Variants in LMX1A observed in about 807,000 individuals in gnomAD.
LMX1A encodes the protein LIM homeobox transcription factor 1 alpha.
In LMX1A, 15 loss-of-function variants were observed where a neutral mutation model predicts 49.1. That is an observed-to-expected ratio of 0.31 (90% CI 0.20 to 0.47). The LOEUF (loss-of-function observed/expected upper bound fraction) is 0.47, where lower values mean the gene tolerates loss of function less well. Among genes scored for constraint, LMX1A ranks in the 20% least tolerant of loss-of-function variants. The pLI is 1.00. For synonymous variants in LMX1A, 167 were observed against 185.7 expected (o/e 0.90, Z 0.82); for missense variants, 372 against 475.8 (o/e 0.78, Z 2.03).
Position 165,276,500 on chromosome 1 carries a change from CT to C in LMX1A, c.264-26861del, listed in dbSNP as rs1653972419. Among the ~76,000 whole-genome samples the C allele has an allele frequency of 2.0e-5, 3 of 152,154 alleles. No individual in the cohort carries two copies. In the South Asian group the frequency reaches 6.2e-4, roughly 32 times the overall value. ...ATTGATAGCAATTCTCATTTCCAGC[CT>C]CAGGAGAATGAACAGCCAGTGGCCC... On this transcript the variant is annotated intron_variant, in intron 3 of 8. Transcript: ENST00000342310.
At chr1:165,347,348 A>T (rs1656282261) in intron 3 of LMX1A, among the ~76,000 whole-genome samples, 1 of 152,210 alleles carries the variant, frequency 6.6e-6, no homozygotes, top group Non-Finnish European at 1.5e-5. Context: ...TTGAAGAAAA[A>T]CATATAGAGT....
At chr1:165,214,573 G>A (rs1651571001) in intron 4 of LMX1A, among the ~76,000 whole-genome samples, 1 of 152,192 alleles carries the variant, frequency 6.6e-6, no homozygotes, top group Non-Finnish European at 1.5e-5. Context: ...TGCCCTAAAT[G>A]CCAATGAGCC....
intron 3 of LMX1A, among the ~76,000 whole-genome samples, chr1:165,257,586 G>A (rs1408510654): frequency 6.6e-6 from 1 of 152,218 alleles, no homozygotes; most frequent in Non-Finnish European, 1.5e-5. Context: ...CACCAGCCAA[G>A]AGTCTACTGT....
chr1:165,350,294 AG>A (rs1342615839), intron 3 of LMX1A, among the ~76,000 whole-genome samples: 1 of 151,900 alleles, frequency 6.6e-6, no homozygotes, highest in Non-Finnish European at 1.5e-5. Flanking sequence ...TTCCCCCTGG[AG>A]GATAAATATC....
At chr1:165,336,760 C>T (rs1299662687) in intron 3 of LMX1A, among the ~76,000 whole-genome samples, 1 of 152,198 alleles carries the variant, frequency 6.6e-6, no homozygotes, top group Non-Finnish European at 1.5e-5. Flanking sequence ...CCAGCCCTTC[C>T]TCAACGACCT....
rs1399433772 is a variant in LMX1A at position 165,353,208 on chromosome 1, T to C, written c.131A>G (p.Asp44Gly). 1 of 1,613,978 alleles carries C rather than the reference T, an allele frequency of 6.2e-7. No individual in the cohort carries two copies. The change falls in exon 3 of 9, where the codon GAC becomes GGC. Residue 44 changes from aspartate (D) to glycine (G), a missense_variant. Around this residue, in one of 3 missense-constraint regions of LMX1A, gnomAD observed 199 missense variants for 244.0 expected, o/e 0.82. Coordinates refer to ENST00000342310, the MANE Select transcript of LMX1A (RefSeq NM_177398.4). The part of the protein sequence containing the change: ...VCEGCQRVIL[D>G]RFLLRLNDSF... ...GTCGTTGAGCCGCAGCAGAAACCTG[T>C]CCAAGATGACCCGCTGACAGCCCTC...
In LMX1A at chr1:165,202,842, C is replaced by A. The variant is rs1650903944; in HGVS notation, c.*1038G>T. On this transcript the variant is annotated 3_prime_UTR_variant, in exon 9 of 9. Transcript: ENST00000342310. ...TTCAGGAGCCCTCCTGCTCTGCAACCCTATGTACCCTCCTTTGCCAAGTGA... is the reference window on the plus strand; with the variant it reads ...TTCAGGAGCCCTCCTGCTCTGCAACACTATGTACCCTCCTTTGCCAAGTGA... 6.6e-6 allele frequency: 1 copy of A among 152,628 alleles called. No individual in the cohort carries two copies. The highest frequency in any genetic ancestry group is 1.5e-5 in the Non-Finnish European group (1 of 68,062). 9.5% of individuals were successfully genotyped at this position (152,628 alleles called of 1,614,324 possible).
intron 3 of LMX1A, among the ~76,000 whole-genome samples, chr1:165,337,888 C>CTG (rs6143463): frequency 6.9e-4 from 101 of 147,038 alleles, no homozygotes; most frequent in Middle Eastern, 3.4e-3. Flanking sequence ...GTGTGTGTTT[C>CTG]TGTGTGTGTG....
chr1:165,337,907 T>TGTGTGTGTGTGTGTG (rs1553213782), intron 3 of LMX1A, among the ~76,000 whole-genome samples: 5 of 151,628 alleles, frequency 3.3e-5, no homozygotes, highest in Admixed American at 6.6e-5. Context: ...TGTGTGTGTG[T>TGTGTGTGTGTGTGTG]TACTACCCCA....
intron 4 of LMX1A, among the ~76,000 whole-genome samples, chr1:165,224,547 C>T (rs1651968786): frequency 6.6e-6 from 1 of 152,100 alleles, no homozygotes; most frequent in African/African-American, 2.4e-5. Flanking sequence ...TTTTGTGTGT[C>T]TTCTATATAA....
chr1:165,266,595 CTTTTTTTTTTT>C (rs61551654), intron 3 of LMX1A, among the ~76,000 whole-genome samples: 67 of 79,186 alleles, frequency 8.5e-4, no homozygotes, highest in African/African-American at 3.3e-3. Flanking sequence ...TTCTTTCTTT[CTTTTTTTTTTT>C]TTTTTTTTTT....
At chr1:165,209,970 A>G (rs1651298724) in intron 6 of LMX1A, among the ~76,000 whole-genome samples, 3 of 152,240 alleles carry the variant, frequency 2.0e-5, no homozygotes, top group Non-Finnish European at 4.4e-5. Context: ...GAGGACACCC[A>G]GTTGGTATCC....
intron 4 of LMX1A, among the ~76,000 whole-genome samples, chr1:165,222,714 T>C (rs1389063557): frequency 1.3e-5 from 2 of 152,218 alleles, no homozygotes; most frequent in Admixed American, 1.3e-4. Flanking sequence ...TGACCACAGC[T>C]GATCAGACTG....
chr1:165,251,365 G>A (rs919053418), intron 3 of LMX1A, among the ~76,000 whole-genome samples: 1 of 152,186 alleles, frequency 6.6e-6, no homozygotes, highest in Non-Finnish European at 1.5e-5. Flanking sequence ...TTATAGGCAT[G>A]AGCCACTGCT....
intron 3 of LMX1A, among the ~76,000 whole-genome samples, chr1:165,253,869 A>G (rs1365155278): frequency 6.6e-6 from 1 of 151,870 alleles, no homozygotes; most frequent in Non-Finnish European, 1.5e-5. Flanking sequence ...TTTTCTCTCT[A>G]TGTCTAAACC....
At chr1:165,220,531 C>A (rs533722151) in intron 4 of LMX1A, among the ~76,000 whole-genome samples, 3 of 152,132 alleles carry the variant, frequency 2.0e-5, no homozygotes, top group Non-Finnish European at 4.4e-5. Flanking sequence ...ATAAACATAG[C>A]CTCAAAGAGG....
In LMX1A at chr1:165,226,033, C is replaced by T. The variant is rs1261422399; in HGVS notation, c.497-12220G>A. 2.8e-5 allele frequency among the ~76,000 whole-genome samples: 4 copies of T among 144,168 alleles called. No individual in the cohort carries two copies. In the East Asian group the frequency reaches 8.1e-4, roughly 29 times the overall value. The allele number at this position is 144,168 out of a possible 152,430, so 94.6% of individuals were successfully genotyped here. A position where few individuals can be genotyped will look rare whatever the true frequency, so the allele number is the denominator to read the frequency against. On this transcript the variant is annotated intron_variant, in intron 4 of 8. Transcript: ENST00000342310. ...GGGAGAATGGAAACTTTTTTTTTTA[C>T]AACCATCTTTTCCTCTTTAAAAATA...
chr1:165,262,812 C>T (rs1483730756), intron 3 of LMX1A, among the ~76,000 whole-genome samples: 1 of 151,818 alleles, frequency 6.6e-6, no homozygotes. Flanking sequence ...TATCTGATGG[C>T]CTTTGTAGAA....
intron 3 of LMX1A, among the ~76,000 whole-genome samples, chr1:165,326,360 A>G (rs1449641887): frequency 1.3e-5 from 2 of 152,206 alleles, no homozygotes; most frequent in African/African-American, 4.8e-5. Flanking sequence ...GAATGTCTCA[A>G]ATCAGGGTAA....
Sources: allele counts gnomAD v4.1 joint callset (sites outside exome capture counted in the v4.1 genomes callset), GRCh38; gene constraint gnomAD v4.1.1; regional missense constraint gnomAD v4.1.1; transcripts MANE v1.5; gene names NCBI Gene and HGNC (gene_info 2026-07-23, HGNC 2026-07-21).